CYTH3: variants seen among roughly 807,000 people sequenced by gnomAD.
The protein encoded by CYTH3 is cytohesin-3.
A neutral mutation model predicts 55.1 loss-of-function variants in CYTH3; 23 were observed. The observed-to-expected ratio is 0.42, with a 90% CI of 0.30 to 0.59. The LOEUF (loss-of-function observed/expected upper bound fraction) is 0.59, where lower values mean the gene tolerates loss of function less well. Ranked by LOEUF, CYTH3 falls within the 20% of genes least tolerant of loss-of-function variation. The pLI, the probability that CYTH3 is intolerant of heterozygous loss-of-function variation, is 0.20. For missense variants in CYTH3, 413 were observed against 524.8 expected (o/e 0.79, Z 2.08); for synonymous variants, 249 against 194.9 (o/e 1.28, Z -2.31).
chr7:6,254,017 T>TA (rs941356944), intron 1 of CYTH3, among the ~76,000 whole-genome samples: 24 of 99,470 alleles, frequency 2.4e-4, no homozygotes, highest in East Asian at 5.6e-4. Flanking sequence ...ATAAATAAAA[T>TA]AAAAAATAAA....
chr7:6,195,892 C>T (rs1423558083), intron 1 of CYTH3, among the ~76,000 whole-genome samples: 1 of 152,150 alleles, frequency 6.6e-6, no homozygotes, highest in Non-Finnish European at 1.5e-5. Context: ...ATATACACCT[C>T]CAAGGTGCTC....
At position 6,171,136 on chromosome 7, in the gene CYTH3, G is replaced by A; in HGVS notation, c.562+66C>T. 2.5e-6 allele frequency: 4 copies of A among 1,597,286 alleles called. No homozygotes were observed. The highest frequency in any genetic ancestry group is 3.4e-6 in the Non-Finnish European group (4 of 1,166,220). On this transcript the variant is annotated intron_variant, in intron 7 of 12. Coordinates refer to ENST00000350796, the MANE Select transcript of CYTH3 (RefSeq NM_004227.4). This position sits in a 1 kb window ranked among gnomAD's most constrained non-coding sequence, Gnocchi z 6.7. ...AACACACGCTGGGCTGTGCCCACAGGGGCCGCCCCCTCCAGAGCTGGAGGC... is the reference window on the plus strand; with the variant it reads ...AACACACGCTGGGCTGTGCCCACAGAGGCCGCCCCCTCCAGAGCTGGAGGC...
chr7:6,165,042 G>T (rs1192855961), intron 12 of CYTH3, 26 bp from the exon 13 acceptor site: 1 of 1,613,888 alleles, frequency 6.2e-7, no homozygotes, highest in Non-Finnish European at 8.5e-7. Flanking sequence ...AAACACACAG[G>T]TTAGGTCGTG....
chr7:6,239,670 C>T (rs1779622237), intron 1 of CYTH3, among the ~76,000 whole-genome samples: 1 of 151,976 alleles, frequency 6.6e-6, no homozygotes, highest in African/African-American at 2.4e-5. Flanking sequence ...ATTTGCTAAG[C>T]AAATGAGATA....
At chr7:6,187,773 CCT>C (rs10587864) in intron 2 of CYTH3, 52 bp from the exon 3 acceptor site, 86,874 of 1,473,792 alleles carry the variant, frequency 0.059, 4,780 homozygotes, top group East Asian at 0.31. Flanking sequence ...ACCTTCCTCC[CCT>C]GAGACTCAGA....
chr7:6,240,710 T>G (rs1222628932), intron 1 of CYTH3, among the ~76,000 whole-genome samples: 2 of 152,088 alleles, frequency 1.3e-5, no homozygotes, highest in Non-Finnish European at 2.9e-5. Flanking sequence ...GATTTAAATG[T>G]AGAACATGAA....
At chr7:6,213,505 C>G (rs1225598045) in intron 1 of CYTH3, among the ~76,000 whole-genome samples, 1 of 152,130 alleles carries the variant, frequency 6.6e-6, no homozygotes, top group Non-Finnish European at 1.5e-5. Flanking sequence ...GCAATACAAT[C>G]TCAATCCCAG....
At chr7:6,172,829 G>C in intron 6 of CYTH3, 1 of 1,282,612 alleles carries the variant, frequency 7.8e-7, no homozygotes, top group Non-Finnish European at 1.0e-6. Flanking sequence ...AACTCTCAGC[G>C]CACTGTTCAG....
At chr7:6,264,063 A>T (rs1429941431) in intron 1 of CYTH3, among the ~76,000 whole-genome samples, 1 of 152,072 alleles carries the variant, frequency 6.6e-6, no homozygotes, top group East Asian at 1.9e-4. Flanking sequence ...CCTGGCCAAC[A>T]TGGTGAAACC....
rs1782906723 is a variant in CYTH3 at position 6,163,712 on chromosome 7, C to T, written c.*1232G>A. The T allele has an allele frequency of 6.6e-6, 1 of 152,188 alleles. No homozygotes were observed. The highest frequency in any genetic ancestry group is 6.5e-5 in the Admixed American group (1 of 15,274). 9.4% of individuals were successfully genotyped at this position (152,188 alleles called of 1,614,324 possible). A position where few individuals can be genotyped will look rare whatever the true frequency, so the allele number is the denominator to read the frequency against. ...CGTGCCGGGCCTCTGCACCCCAGGG[C>T]CTGTTCTTCCCTCCTCGTAGGGAGG... On this transcript the variant is annotated 3_prime_UTR_variant, in exon 13 of 13. Transcript: ENST00000350796.
chr7:6,271,051 C>T (rs1780636570), intron 1 of CYTH3, among the ~76,000 whole-genome samples: 1 of 152,118 alleles, frequency 6.6e-6, no homozygotes, highest in Non-Finnish European at 1.5e-5. Flanking sequence ...TTGTGACAGG[C>T]AGGAAACACG....
chr7:6,269,482 T>C (rs866412799), intron 1 of CYTH3, among the ~76,000 whole-genome samples: 1 of 152,096 alleles, frequency 6.6e-6, no homozygotes. Context: ...TATAGTTAAT[T>C]CACCTCATCT....
At chr7:6,220,661 T>C (rs1784530984) in intron 1 of CYTH3, among the ~76,000 whole-genome samples, 2 of 151,478 alleles carry the variant, frequency 1.3e-5, no homozygotes, top group Non-Finnish European at 2.9e-5. Flanking sequence ...ACATAAAATG[T>C]TATAGCCCTC....
At chr7:6,237,208 T>C (rs746542516) in intron 1 of CYTH3, among the ~76,000 whole-genome samples, 3 of 152,206 alleles carry the variant, frequency 2.0e-5, no homozygotes, top group Non-Finnish European at 4.4e-5. Flanking sequence ...AGACTAGAAC[T>C]GTTGGTCTGA....
intron 1 of CYTH3, among the ~76,000 whole-genome samples, chr7:6,226,085 G>A (rs1394958917): frequency 6.6e-6 from 1 of 152,086 alleles, no homozygotes; most frequent in Non-Finnish European, 1.5e-5. Context: ...ATAAACCCAT[G>A]TCCCTAGCTT....
chr7:6,209,452 A>G (rs910541673), intron 1 of CYTH3, among the ~76,000 whole-genome samples: 3 of 152,230 alleles, frequency 2.0e-5, no homozygotes, highest in African/African-American at 7.2e-5. Context: ...AAACCTGAAT[A>G]AAGTTTCTTT....
chr7:6,209,345 A>G (rs1784271490), intron 1 of CYTH3, among the ~76,000 whole-genome samples: 1 of 152,256 alleles, frequency 6.6e-6, no homozygotes, highest in Non-Finnish European at 1.5e-5. Context: ...TGAACGATGA[A>G]TATGTTGACC....
At chr7:6,271,721 C>T (rs117544547) in intron 1 of CYTH3, among the ~76,000 whole-genome samples, 106 of 152,306 alleles carry the variant, frequency 7.0e-4, no homozygotes, top group Non-Finnish European at 1.5e-3. Context: ...ACCTGGGCCA[C>T]GACGCGCATC....
At chr7:6,247,962 A>G (rs1464921765) in intron 1 of CYTH3, among the ~76,000 whole-genome samples, 1 of 151,908 alleles carries the variant, frequency 6.6e-6, no homozygotes, top group African/African-American at 2.4e-5. Flanking sequence ...CTTAGTGCCC[A>G]GCCTCATTTT....
Sources: allele counts gnomAD v4.1 joint callset (sites outside exome capture counted in the v4.1 genomes callset), GRCh38; gene constraint gnomAD v4.1.1; non-coding constraint Gnocchi (gnomAD v3.1); transcripts MANE v1.5; gene names NCBI Gene and HGNC (gene_info 2026-07-23, HGNC 2026-07-21).